The following GALNTL6 variants were observed in gnomAD, a reference collection of about 807,000 sequenced individuals.
GALNTL6 encodes the protein polypeptide N-acetylgalactosaminyltransferase like 6.
GALNTL6 carries 46 observed loss-of-function variants against 73.7 expected under a neutral mutation model. That is an observed-to-expected ratio of 0.62 (90% CI 0.49 to 0.80). The LOEUF (loss-of-function observed/expected upper bound fraction) is 0.80. GALNTL6 is among the 30% of genes least tolerant of loss of function. GALNTL6 has a pLI of 0.00. For synonymous variants in GALNTL6, 259 were observed against 263.7 expected (o/e 0.98, Z 0.17); for missense variants, 604 against 755.0 (o/e 0.80, Z 2.34).
intron 5 of GALNTL6, among the ~76,000 whole-genome samples, chr4:172,673,387 C>CTG (rs1163029947): frequency 6.6e-6 from 1 of 152,148 alleles, no homozygotes; most frequent in East Asian, 1.9e-4. Flanking sequence ...TGTTTTACTT[C>CTG]TGATTATGTG....
chr4:172,285,360 T>C (rs1441682279), intron 3 of GALNTL6, among the ~76,000 whole-genome samples: 42 of 152,184 alleles, frequency 2.8e-4, no homozygotes, highest in Admixed American at 2.8e-3. Flanking sequence ...TATCCTGGCC[T>C]AAAATAAATT....
intron 5 of GALNTL6, among the ~76,000 whole-genome samples, chr4:172,771,453 A>C (rs970049186): frequency 3.9e-5 from 6 of 152,202 alleles, no homozygotes; most frequent in African/African-American, 1.4e-4. Flanking sequence ...TAGATCCATT[A>C]ATCACTAGGT....
At chr4:171,926,622 T>C (rs1312807951) in intron 2 of GALNTL6, among the ~76,000 whole-genome samples, 2 of 152,126 alleles carry the variant, frequency 1.3e-5, no homozygotes, top group Non-Finnish European at 2.9e-5. Context: ...ATTTGTTATT[T>C]AAAAAACTTA....
At position 172,122,397 on chromosome 4, in the gene GALNTL6, A is replaced by G. The variant is rs1733176335; in HGVS notation, c.139-107259A>G. 2.0e-5 allele frequency among the ~76,000 whole-genome samples: 3 copies of G among 152,222 alleles called. 1 individual carries two copies. The South Asian group carries it at 6.2e-4, about 32-fold the overall frequency. On this transcript the variant is annotated intron_variant, in intron 2 of 12. Transcript: ENST00000506823. ...CATGCAGCTATCAACTTATCATTCT[A>G]GTTTGCAGTTTGAATGTTTCTGGTT...
chr4:172,239,499 G>T (rs1737347683), intron 3 of GALNTL6, among the ~76,000 whole-genome samples: 1 of 151,882 alleles, frequency 6.6e-6, no homozygotes, highest in Admixed American at 6.6e-5. Flanking sequence ...TATTGATCTT[G>T]CTAGTGGTCT....
chr4:172,428,924 C>T (rs1255212629), intron 5 of GALNTL6, among the ~76,000 whole-genome samples: 1 of 151,964 alleles, frequency 6.6e-6, no homozygotes, highest in Admixed American at 6.6e-5. Context: ...ATGGATGGCT[C>T]ATAAAAAACA....
chr4:172,722,044 A>G (rs953712335), intron 5 of GALNTL6, among the ~76,000 whole-genome samples: 7 of 151,720 alleles, frequency 4.6e-5, no homozygotes, highest in African/African-American at 1.7e-4. Flanking sequence ...CTGCACGAAC[A>G]GAGTTCTGAT....
At chr4:172,919,407 T>C (rs780974260) in intron 8 of GALNTL6, among the ~76,000 whole-genome samples, 4 of 152,142 alleles carry the variant, frequency 2.6e-5, no homozygotes, top group Non-Finnish European at 4.4e-5. Context: ...GGGCTTTCAT[T>C]TTCCGCTTCA....
At chr4:172,596,569 C>G (rs1272891840) in intron 5 of GALNTL6, among the ~76,000 whole-genome samples, 1 of 152,084 alleles carries the variant, frequency 6.6e-6, no homozygotes, top group African/African-American at 2.4e-5. Flanking sequence ...TTATTCAGAG[C>G]CTGCATGAAT....
intron 5 of GALNTL6, among the ~76,000 whole-genome samples, chr4:172,546,423 A>G (rs574772970): frequency 6.6e-5 from 10 of 152,090 alleles, no homozygotes; most frequent in South Asian, 2.1e-4. Flanking sequence ...CTCTACCACT[A>G]TGCAATATAT....
intron 2 of GALNTL6, among the ~76,000 whole-genome samples, chr4:172,202,253 G>A (rs755887928): frequency 1.3e-5 from 2 of 152,170 alleles, no homozygotes; most frequent in Non-Finnish European, 2.9e-5. Flanking sequence ...GATGAGCACA[G>A]TAATTTGAAA....
At chr4:172,298,733 G>A (rs180670876) in intron 3 of GALNTL6, among the ~76,000 whole-genome samples, 67 of 152,282 alleles carry the variant, frequency 4.4e-4, no homozygotes, top group African/African-American at 1.5e-3. Flanking sequence ...GATCATGGTG[G>A]ATAAGCTTTT....
At chr4:172,539,058 GA>G (rs1735453449) in intron 5 of GALNTL6, among the ~76,000 whole-genome samples, 1 of 152,150 alleles carries the variant, frequency 6.6e-6, no homozygotes, top group African/African-American at 2.4e-5. Flanking sequence ...TAATATGATG[GA>G]AGAAAAAATA....
intron 2 of GALNTL6, among the ~76,000 whole-genome samples, chr4:172,075,297 A>G (rs77401709): frequency 0.093 from 14,134 of 151,770 alleles, 819 homozygotes; most frequent in East Asian, 0.24. Context: ...CTTTTTTCTT[A>G]CAAACACATT....
At chr4:172,941,486 A>G (rs1748916430) in intron 9 of GALNTL6, among the ~76,000 whole-genome samples, 1 of 152,164 alleles carries the variant, frequency 6.6e-6, no homozygotes, top group Non-Finnish European at 1.5e-5. Flanking sequence ...AGACCTTGGC[A>G]TTTCAGGCGG....
rs192513429 is a variant in GALNTL6, at chr4:172,767,390, G to A, written c.554-41971G>A. Among the ~76,000 whole-genome samples the A allele has an allele frequency of 4.8e-3, 724 of 152,184 alleles. 2 individuals are homozygous for A. The highest frequency in any genetic ancestry group is 7.7e-3 in the Non-Finnish European group (527 of 68,008). On this transcript the variant is annotated intron_variant, in intron 5 of 12. Coordinates refer to ENST00000506823, the MANE Select transcript of GALNTL6 (RefSeq NM_001034845.3). The stretch of plus-strand genomic sequence containing the variant: ...CAAGCCTTGAAGAAATAAAATCCAT[G>A]CCCACAACATTCAGAACTTTACTGT...
intron 3 of GALNTL6, among the ~76,000 whole-genome samples, chr4:172,257,466 G>T (rs746617807): frequency 6.6e-6 from 1 of 151,410 alleles, no homozygotes; most frequent in Non-Finnish European, 1.5e-5. Flanking sequence ...GCAAATGGTT[G>T]CAGCAATTTA....
At chr4:172,339,364 G>A (rs1389105473) in intron 4 of GALNTL6, among the ~76,000 whole-genome samples, 1 of 149,508 alleles carries the variant, frequency 6.7e-6, no homozygotes, top group African/African-American at 2.5e-5. Context: ...GAGAAATCAT[G>A]GCTACAGTAG....
chr4:172,852,361 G>GTAGA (rs2111112465), intron 7 of GALNTL6, among the ~76,000 whole-genome samples: 1 of 152,156 alleles, frequency 6.6e-6, no homozygotes, highest in Admixed American at 6.6e-5. Context: ...AGATGATGTG[G>GTAGA]TAGATCACAT....
Sources: gnomAD v4.1 joint callset for allele counts (sites outside exome capture counted in the v4.1 genomes callset) on GRCh38, gnomAD v4.1.1 for gene constraint, MANE v1.5 for transcripts, NCBI Gene and HGNC (gene_info 2026-07-23, HGNC 2026-07-21) for gene names.